Variants in INTS3 observed in about 807,000 individuals in gnomAD.
INTS3 encodes the protein integrator complex subunit 3, also known as SOSS complex subunit A.
In INTS3, 34 loss-of-function variants were observed where a neutral mutation model predicts 146.3. The observed-to-expected ratio is 0.23, with a 90% confidence interval of 0.18 to 0.31. INTS3 has a LOEUF of 0.31. Ranked by LOEUF, INTS3 falls within the 10% of genes least tolerant of loss-of-function variation. The probability of loss-of-function intolerance (pLI) is 1.00; values close to 1 mark genes in which losing one functional copy is unlikely to be tolerated. For synonymous variants in INTS3, 475 were observed against 494.9 expected (o/e 0.96, Z 0.53); for missense variants, 757 against 1,304.2 (o/e 0.58, Z 6.46).
chr1:153,740,642 C>A lies in INTS3; in HGVS notation c.151-9C>A. The A allele has an allele frequency of 6.2e-7, 1 of 1,611,244 alleles. No individual in the cohort carries two copies. The highest frequency in any genetic ancestry group is 1.1e-5 in the South Asian group (1 of 90,996). On this transcript the variant is annotated splice_polypyrimidine_tract_variant and intron_variant, in intron 1 of 29. Transcript: ENST00000318967. ...GACACACTGTTCATTTTTTCTCACC[C>A]CTTCCCAGAGATTGGAAAGGTGTAT...
At chr1:153,733,028 ACTC>A (rs1385597880) in intron 1 of INTS3, among the ~76,000 whole-genome samples, 2 of 147,846 alleles carry the variant, frequency 1.4e-5, no homozygotes, top group Non-Finnish European at 3.0e-5. Flanking sequence ...CTGGTCTTGA[ACTC>A]CTGACCTCGT....
intron 18 of INTS3, 82 bp downstream of exon 18, chr1:153,764,303 T>A: frequency 1.1e-6 from 1 of 892,298 alleles, no homozygotes; most frequent in Non-Finnish European, 1.9e-6. Context: ...CCCCTTACTG[T>A]AGACTTGAGA....
At chr1:153,736,591 C>T (rs983977776) in intron 1 of INTS3, among the ~76,000 whole-genome samples, 6 of 151,364 alleles carry the variant, frequency 4.0e-5, no homozygotes, top group Non-Finnish European at 7.4e-5. Context: ...GGATTACAGG[C>T]GCATGCCACC....
chr1:153,759,002 G>C (rs1472961040), intron 10 of INTS3, among the ~76,000 whole-genome samples: 3 of 152,000 alleles, frequency 2.0e-5, no homozygotes, highest in Non-Finnish European at 4.4e-5. Flanking sequence ...TGTAGTCCCA[G>C]CTACCAAGGA....
chr1:153,764,230 G>A lies in INTS3; in HGVS notation c.1925+9G>A, dbSNP rs1484840370. On this transcript the variant is annotated intron_variant, in intron 18 of 29. Transcript: ENST00000318967. ...GAGGAGATTACTGAGGAGTAAGGCT[G>A]ATTTTCCCTCACTCCAGAGCCTCAG... The A allele has an allele frequency of 6.3e-7, 1 of 1,592,012 alleles. No homozygotes were observed. The highest frequency in any genetic ancestry group is 8.6e-7 in the Non-Finnish European group (1 of 1,160,354).
At chr1:153,733,598 G>A (rs892897258) in intron 1 of INTS3, among the ~76,000 whole-genome samples, 1 of 151,396 alleles carries the variant, frequency 6.6e-6, no homozygotes, top group African/African-American at 2.4e-5. Context: ...ATAGGGAGCA[G>A]TATTTACTGT....
At chr1:153,740,355 C>T (rs1671482462) in intron 1 of INTS3, among the ~76,000 whole-genome samples, 1 of 152,182 alleles carries the variant, frequency 6.6e-6, no homozygotes, top group South Asian at 2.1e-4. Context: ...CCACCTCGGC[C>T]TCCTAAAGTG....
At chr1:153,770,757 T>G in intron 25 of INTS3, 24 bp downstream of exon 25, 1 of 1,593,100 alleles carries the variant, frequency 6.3e-7, no homozygotes. Context: ...CTGGGGCTCT[T>G]TAGCCCTCAA....
At position 153,772,811 on chromosome 1, in the gene INTS3, T is replaced by C. The variant is rs1050936240; in HGVS notation, c.2894+100T>C. On this transcript the variant is annotated intron_variant, in intron 28 of 29. Transcript: ENST00000318967. The surrounding 1 kb of genome is among the most constrained non-coding windows in gnomAD (Gnocchi z 4.6). ...ATAAACGTAATGGCCAGCAAGACCT[T>C]AGGGTCCAGGGTTGAAGAAAAAGAA... 22 of 1,578,790 alleles carry C rather than the reference T, an allele frequency of 1.4e-5. No individual in the cohort carries two copies. Among genetic ancestry groups the C allele is most frequent in the Non-Finnish European group, 1.6e-5 (18 of 1,158,992 alleles).
intron 23 of INTS3, 90 bp downstream of exon 23, chr1:153,769,934 T>G: frequency 2.0e-6 from 2 of 996,058 alleles, no homozygotes; most frequent in East Asian, 4.8e-5. Flanking sequence ...AAGCTGGTTC[T>G]GGGGCTGGGA....
intron 25 of INTS3, among the ~76,000 whole-genome samples, chr1:153,771,293 T>C (rs907143950): frequency 6.6e-6 from 1 of 152,206 alleles, no homozygotes; most frequent in Non-Finnish European, 1.5e-5. Context: ...CTTTCTGCCT[T>C]CCTTCCACCC....
chr1:153,731,225 G>A (rs1671047734), intron 1 of INTS3, among the ~76,000 whole-genome samples: 1 of 152,138 alleles, frequency 6.6e-6, no homozygotes, highest in Non-Finnish European at 1.5e-5. Context: ...GAGTAGTGAA[G>A]AGACAGGTCA....
At chr1:153,764,861 C>T in intron 19 of INTS3, 83 bp from the exon 20 acceptor site, 2 of 1,574,498 alleles carry the variant, frequency 1.3e-6, no homozygotes, top group Non-Finnish European at 1.7e-6. Flanking sequence ...TGGGCACAGA[C>T]AGCCCATGCC....
intron 11 of INTS3, chr1:153,760,084 T>C (rs779294515): frequency 5.2e-6 from 3 of 580,986 alleles, no homozygotes; most frequent in Non-Finnish European, 9.2e-6. Context: ...AGACTGACTT[T>C]AGCCTGGCGT....
intron 19 of INTS3, 39 bp from the exon 20 acceptor site, chr1:153,764,905 G>A (rs1043725920): frequency 6.2e-7 from 1 of 1,613,720 alleles, no homozygotes; most frequent in Admixed American, 1.7e-5. Flanking sequence ...TCTGCCCTGG[G>A]TAAAGTTCTG....
At position 153,745,400 on chromosome 1, in the gene INTS3, A is replaced by G. The variant is rs551351430; in HGVS notation, c.319-1557A>G. Among the ~76,000 whole-genome samples the G allele has an allele frequency of 2.0e-5, 3 of 151,910 alleles. No homozygotes were observed. In the South Asian group the frequency reaches 6.2e-4, roughly 32 times the overall value. On this transcript the variant is annotated intron_variant, in intron 3 of 29. Transcript: ENST00000318967. ...TCGAACTCCTGACCTCAGATGATCCACACGCCTCGGCCTCCCAAATAGTGC... is the reference window on the plus strand; with the variant it reads ...TCGAACTCCTGACCTCAGATGATCCGCACGCCTCGGCCTCCCAAATAGTGC...
chr1:153,768,821 G>C, intron 21 of INTS3, 72 bp from the exon 22 acceptor site: 1 of 1,178,170 alleles, frequency 8.5e-7, no homozygotes, highest in East Asian at 2.3e-5. Flanking sequence ...ATGTAATAAG[G>C]AAGGAGAGTG....
chr1:153,760,163 C>T lies in INTS3; in HGVS notation c.1238-148C>T, dbSNP rs1672319557. ...ATGAGATTCGCTTGAACCTGGGAGG[C>T]AGAGGCTTCAGTGAGCTGAGATCGT... On this transcript the variant is annotated intron_variant, in intron 11 of 29. Transcript: ENST00000318967. The T allele has an allele frequency of 8.3e-6, 5 of 601,420 alleles. No homozygotes were observed. In the Admixed American group the frequency reaches 1.3e-4, roughly 15 times the overall value. The allele number at this position is 601,420 out of a possible 1,614,324, so 37.3% of individuals were successfully genotyped here. A position where few individuals can be genotyped will look rare whatever the true frequency, so the allele number is the denominator to read the frequency against.
intron 1 of INTS3, among the ~76,000 whole-genome samples, chr1:153,735,622 C>T (rs1408783413): frequency 6.6e-6 from 1 of 152,160 alleles, no homozygotes; most frequent in Admixed American, 6.6e-5. Flanking sequence ...AACCGTTAAC[C>T]TAGGCTGTGT....
Sources: gnomAD v4.1 joint callset for allele counts (sites outside exome capture counted in the v4.1 genomes callset) on GRCh38, gnomAD v4.1.1 for gene constraint, Gnocchi (gnomAD v3.1) non-coding constraint, MANE v1.5 for transcripts, NCBI Gene and HGNC (gene_info 2026-07-23, HGNC 2026-07-21) for gene names.